Variants in LRRC37A2 observed in about 807,000 individuals in gnomAD.
LRRC37A2 encodes leucine-rich repeat-containing protein 37A2.
Under a neutral mutation model 68.8 loss-of-function variants are expected in LRRC37A2, and 9 were observed. The observed-to-expected ratio is 0.13, with a 90% CI of 0.08 to 0.23. The LOEUF is 0.23. Ranked by LOEUF, LRRC37A2 falls within the 10% of genes least tolerant of loss-of-function variation. The pLI is 1.00. For missense variants in LRRC37A2, 168 were observed against 950.4 expected, an observed-to-expected ratio of 0.18 and a Z score of 10.82; for synonymous variants, 63 against 367.6, an observed-to-expected ratio of 0.17 and a Z score of 9.48.
the LRRC37A2 span, among the ~76,000 whole-genome samples, chr17:46,893,872 G>A: frequency 6.6e-6 from 1 of 152,206 alleles, no homozygotes. Flanking sequence ...TGGGGCCAGA[G>A]CATGGATGTC....
the LRRC37A2 span, among the ~76,000 whole-genome samples, chr17:46,861,107 A>C: frequency 7.9e-5 from 12 of 152,236 alleles, no homozygotes; most frequent in African/African-American, 2.9e-4. Context: ...ATATGTTGGC[A>C]GTGGAACCCC....
chr17:46,882,893 G>T, the LRRC37A2 span, among the ~76,000 whole-genome samples: 1 of 152,114 alleles, frequency 6.6e-6, no homozygotes, highest in Non-Finnish European at 1.5e-5. Flanking sequence ...GTGGCTCTGT[G>T]CAGGCTCCAC....
chr17:46,531,985 C>T lies in LRRC37A2; in HGVS notation c.2906+8101C>T, dbSNP rs1268778459. Among the ~76,000 whole-genome samples, 11 of 147,960 alleles carry T rather than the reference C, an allele frequency of 7.4e-5. 1 individual carries two copies. The highest frequency in any genetic ancestry group is 1.8e-4 in the African/African-American group (7 of 38,326). On this transcript the variant is annotated intron_variant, in intron 6 of 14. Transcript: ENST00000576629. Reference sequence around the variant, plus strand: ...CATATTTTGCATCAATTCTTATAATCGTGTGAGATGTAGGGGGTCCACCTT... The same window carrying T: ...CATATTTTGCATCAATTCTTATAATTGTGTGAGATGTAGGGGGTCCACCTT...
the LRRC37A2 span, among the ~76,000 whole-genome samples, chr17:47,022,166 C>CTTTTT: frequency 0.012 from 196 of 15,812 alleles, 11 homozygotes; most frequent in East Asian, 0.048. Flanking sequence ...CCTTTTTGTT[C>CTTTTT]TCTTTTTTTT....
the LRRC37A2 span, among the ~76,000 whole-genome samples, chr17:46,973,878 C>T: frequency 6.6e-6 from 1 of 152,184 alleles, no homozygotes. Context: ...GCCATTTCTG[C>T]TGTACCCGCC....
chr17:46,928,532 G>A, the LRRC37A2 span, among the ~76,000 whole-genome samples: 17 of 152,248 alleles, frequency 1.1e-4, no homozygotes, highest in East Asian at 2.7e-3. Context: ...ATTAGGAAGG[G>A]GGTCTTAAGG....
chr17:46,502,844 T>G, the LRRC37A2 span, among the ~76,000 whole-genome samples: 1 of 150,858 alleles, frequency 6.6e-6, no homozygotes. Flanking sequence ...TTCTGAAGTT[T>G]CCTAGATGTT....
chr17:47,034,986 G>C, the LRRC37A2 span: 9 of 152,140 alleles, frequency 5.9e-5, no homozygotes, highest in South Asian at 1.7e-3. Flanking sequence ...AATAGGAAGA[G>C]GAGGGGGATC....
the LRRC37A2 span, among the ~76,000 whole-genome samples, chr17:46,718,959 C>A: frequency 6.6e-6 from 1 of 152,126 alleles, no homozygotes; most frequent in African/African-American, 2.4e-5. Flanking sequence ...ATAGTGCTAT[C>A]AAAACTCTTA....
At chr17:46,848,042 C>T in the LRRC37A2 span, among the ~76,000 whole-genome samples, 1 of 151,966 alleles carries the variant, frequency 6.6e-6, no homozygotes, top group African/African-American at 2.4e-5. Context: ...CAGCCCTGAG[C>T]GCTGGCTGCC....
the LRRC37A2 span, among the ~76,000 whole-genome samples, chr17:46,972,333 C>T: frequency 6.6e-6 from 1 of 152,250 alleles, no homozygotes; most frequent in Non-Finnish European, 1.5e-5. Flanking sequence ...CTCCTCCTCT[C>T]CCTTCTTCAT....
chr17:46,823,096 A>ATAATAAATATGTATT, the LRRC37A2 span, among the ~76,000 whole-genome samples: 1 of 111,774 alleles, frequency 8.9e-6, no homozygotes, highest in Non-Finnish European at 1.9e-5. Flanking sequence ...AATATGTATT[A>ATAATAAATATGTATT]TATAATAAAC....
At chr17:46,721,471 A>G in the LRRC37A2 span, 1,424 of 692,264 alleles carry the variant, frequency 2.1e-3, 8 homozygotes, top group South Asian at 3.4e-3. Flanking sequence ...CTATATATGT[A>G]TGTTGATAAT....
chr17:46,827,775 T>A, the LRRC37A2 span, among the ~76,000 whole-genome samples: 5 of 152,068 alleles, frequency 3.3e-5, no homozygotes, highest in Non-Finnish European at 5.9e-5. Context: ...GATTTCTTTT[T>A]CTTTTCTTTT....
chr17:46,794,552 T>C, the LRRC37A2 span, among the ~76,000 whole-genome samples: 3 of 152,114 alleles, frequency 2.0e-5, no homozygotes, highest in Non-Finnish European at 4.4e-5. Flanking sequence ...CTCTCCTTTG[T>C]TTGCAGAACA....
the LRRC37A2 span, among the ~76,000 whole-genome samples, chr17:46,880,995 A>G: frequency 6.6e-6 from 1 of 152,220 alleles, no homozygotes; most frequent in Non-Finnish European, 1.5e-5. Flanking sequence ...AAGCACAGCC[A>G]TGCAGTGGTT....
the LRRC37A2 span, among the ~76,000 whole-genome samples, chr17:46,771,756 C>G: frequency 4.2e-3 from 152 of 36,074 alleles, no homozygotes; most frequent in African/African-American, 0.012. Flanking sequence ...CGGCGCCCCC[C>G]GCCCCCGCGC....
At chr17:46,776,804 C>A in the LRRC37A2 span, among the ~76,000 whole-genome samples, 1 of 152,092 alleles carries the variant, frequency 6.6e-6, no homozygotes, top group Non-Finnish European at 1.5e-5. Flanking sequence ...GACCCAGAGC[C>A]CTATATGGGA....
At chr17:46,743,085 T>G in the LRRC37A2 span, among the ~76,000 whole-genome samples, 32 of 152,076 alleles carry the variant, frequency 2.1e-4, no homozygotes, top group Admixed American at 1.0e-3. Context: ...CTGCCATGAC[T>G]CCTTCGGAGG....
Sources: gnomAD v4.1 joint callset for allele counts (sites outside exome capture counted in the v4.1 genomes callset) on GRCh38, gnomAD v4.1.1 for gene constraint, MANE v1.5 for transcripts, NCBI Gene and HGNC (gene_info 2026-07-23, HGNC 2026-07-21) for gene names.